The following MTRF1 variants were observed in gnomAD, a reference collection of about 807,000 sequenced individuals.
MTRF1 encodes mitochondrial translation release factor 1.
In MTRF1, 51 loss-of-function variants were observed where a neutral mutation model predicts 62.9. The observed-to-expected ratio is 0.81, with a 90% confidence interval of 0.65 to 1.02. The LOEUF is 1.02. Ranked by LOEUF, MTRF1 falls within the 50% of genes least tolerant of loss-of-function variation. MTRF1 has a pLI of 0.00. For synonymous variants in MTRF1, 158 were observed against 181.9 expected (o/e 0.87, Z 1.06); for missense variants, 446 against 530.0 (o/e 0.84, Z 1.56).
intron 5 of MTRF1, among the ~76,000 whole-genome samples, chr13:41,247,008 G>A (rs1340895647): frequency 1.3e-5 from 2 of 152,210 alleles, no homozygotes; most frequent in Admixed American, 6.5e-5. Context: ...CACCTGAAGG[G>A]AGAAACATTC....
the MTRF1 span, among the ~76,000 whole-genome samples, chr13:41,290,205 C>T: frequency 7.0e-6 from 1 of 142,020 alleles, no homozygotes; most frequent in Non-Finnish European, 1.5e-5. Context: ...TTACGCCATT[C>T]TCCTGCCTCA....
the MTRF1 span, among the ~76,000 whole-genome samples, chr13:41,293,808 T>C: frequency 1.3e-5 from 2 of 152,210 alleles, no homozygotes; most frequent in Non-Finnish European, 2.9e-5. Context: ...CTTAAAGTTG[T>C]GTTAAATTAA....
At chr13:41,289,537 A>C in the MTRF1 span, among the ~76,000 whole-genome samples, 1 of 152,122 alleles carries the variant, frequency 6.6e-6, no homozygotes, top group Non-Finnish European at 1.5e-5. Flanking sequence ...TGCCCAGCCG[A>C]AAAGTGGATT....
intron 7 of MTRF1, among the ~76,000 whole-genome samples, chr13:41,230,780 T>C (rs2138799658): frequency 6.6e-6 from 1 of 150,822 alleles, no homozygotes; most frequent in Admixed American, 6.7e-5. Flanking sequence ...TGAAGTGCAA[T>C]GGCATGATCT....
At chr13:41,249,094 C>G (rs9532749) in intron 5 of MTRF1, among the ~76,000 whole-genome samples, 96,305 of 151,470 alleles carry the variant, frequency 0.64, 30,824 homozygotes, top group Admixed American at 0.66. Context: ...AATCTCTGTG[C>G]TTATCTATGA....
the MTRF1 span, among the ~76,000 whole-genome samples, chr13:41,291,323 A>G: frequency 6.6e-6 from 1 of 151,790 alleles, no homozygotes; most frequent in African/African-American, 2.4e-5. Flanking sequence ...GACTATAGGC[A>G]CACCCCACCA....
chr13:41,235,370 A>G (rs1042500245), intron 6 of MTRF1: 1 of 152,252 alleles, frequency 6.6e-6, no homozygotes, highest in South Asian at 2.1e-4. Context: ...TTTACAGAAC[A>G]TAACTACTGG....
At chr13:41,299,866 G>A in the MTRF1 span, among the ~76,000 whole-genome samples, 3 of 152,100 alleles carry the variant, frequency 2.0e-5, no homozygotes, top group Admixed American at 6.5e-5. Flanking sequence ...TTACAAATCT[G>A]TGGTCAGAAA....
intron 6 of MTRF1, chr13:41,235,840 GAC>G (rs570103667): frequency 1.6e-4 from 18 of 112,886 alleles, no homozygotes; most frequent in East Asian, 5.1e-4. Context: ...CACAGACACA[GAC>G]ACACACACAC....
the MTRF1 span, among the ~76,000 whole-genome samples, chr13:41,276,092 A>G: frequency 6.6e-6 from 1 of 152,068 alleles, no homozygotes; most frequent in African/African-American, 2.4e-5. Context: ...TCTTTCACCC[A>G]TTTCAAAGTC....
chr13:41,291,841 T>C, the MTRF1 span, among the ~76,000 whole-genome samples: 2 of 152,328 alleles, frequency 1.3e-5, no homozygotes, highest in South Asian at 4.1e-4. Flanking sequence ...CTGGACCTTT[T>C]GTGATCTTAG....
intron 2 of MTRF1, among the ~76,000 whole-genome samples, chr13:41,255,212 T>C (rs577077188): frequency 2.3e-4 from 35 of 152,060 alleles, no homozygotes; most frequent in African/African-American, 8.2e-4. Flanking sequence ...TCAGTTCACA[T>C]TGTTTTTTTT....
At position 41,233,963 on chromosome 13, in the gene MTRF1, A is replaced by C; in HGVS notation, c.915T>G (p.Phe305Leu). Residue 305 changes from phenylalanine (F) to leucine (L), a missense_variant, in exon 7 of 10, where the codon TTT (phenylalanine) becomes TTG (leucine). Physicochemically the swap from Phe to Leu is conservative, Grantham distance 22. Coordinates refer to ENST00000379480, the MANE Select transcript of MTRF1 (RefSeq NM_004294.4). ...GCTGCCCTCCTGCTCCTTTGGCTCG[A>C]AATGTATCTATTCGCAAATCCTTGG... is the stretch of plus-strand genomic sequence containing the variant. Reference protein sequence around the residue: ...LDPKDLRIDTFRAKGAGGQHV... With the variant: ...LDPKDLRIDTLRAKGAGGQHV... The C allele has an allele frequency of 6.2e-7, 1 of 1,614,150 alleles. No individual in the cohort carries two copies. The highest frequency in any genetic ancestry group is 1.1e-5 in the South Asian group (1 of 91,076).
At chr13:41,307,145 C>G in the MTRF1 span, among the ~76,000 whole-genome samples, 1 of 152,214 alleles carries the variant, frequency 6.6e-6, no homozygotes, top group Admixed American at 6.5e-5. Context: ...CCCTCACCCC[C>G]ACACTAGTGT....
chr13:41,311,653 G>T, the MTRF1 span: 1 of 1,436,854 alleles, frequency 7.0e-7, no homozygotes. Flanking sequence ...AAGCGGTCTG[G>T]CGGCGGCCGG....
At chr13:41,253,914 G>A (rs1338602796) in intron 3 of MTRF1, among the ~76,000 whole-genome samples, 1 of 152,172 alleles carries the variant, frequency 6.6e-6, no homozygotes, top group Non-Finnish European at 1.5e-5. Context: ...ACGTGACAGA[G>A]GGAAACATGG....
In MTRF1 at chr13:41,226,461, G is replaced by A. The variant is rs951030433; in HGVS notation, c.1096C>T (p.Arg366Cys). The change falls in exon 8 of 10, where the codon CGT (arginine) becomes TGT (cysteine). Residue 366 changes from arginine to cysteine, a missense_variant. By Grantham distance (180) the Arg-to-Cys change is radical. Coordinates refer to ENST00000379480, the MANE Select transcript of MTRF1 (RefSeq NM_004294.4). ...LYQQIIEKDK[R>C]QQQSARKLQV... is the part of the protein sequence containing the mutation. ...AGTTTTCTAGCACTTTGTTGCTGAC[G>A]CTTGTCTTTCTCAATAATCTGCTGG... The A allele has an allele frequency of 1.1e-5, 17 of 1,612,784 alleles. No individual in the cohort carries two copies. Among genetic ancestry groups the A allele is most frequent in the African/African-American group, 8.0e-5 (6 of 74,816 alleles).
At chr13:41,290,089 C>CTTTTTTTTT in the MTRF1 span, among the ~76,000 whole-genome samples, 16 of 78,518 alleles carry the variant, frequency 2.0e-4, no homozygotes, top group Non-Finnish European at 2.6e-4. Context: ...TGTAATAGTT[C>CTTTTTTTTT]TTTTTTTTTT....
intron 2 of MTRF1, among the ~76,000 whole-genome samples, chr13:41,259,095 A>G (rs549389855): frequency 1.3e-5 from 2 of 152,332 alleles, no homozygotes; most frequent in East Asian, 3.9e-4. Flanking sequence ...TAGGATGGCA[A>G]TAATTGAAAG....
Sources: allele counts gnomAD v4.1 joint callset (sites outside exome capture counted in the v4.1 genomes callset), GRCh38; gene constraint gnomAD v4.1.1; transcripts MANE v1.5; gene names NCBI Gene and HGNC (gene_info 2026-07-23, HGNC 2026-07-21).